The following RBFOX1 variants were observed in gnomAD, a reference collection of about 807,000 sequenced individuals.
RBFOX1 encodes the protein RNA binding fox-1 homolog 1.
RBFOX1 carries 8 observed loss-of-function variants against 57.7 expected under a neutral mutation model. The observed-to-expected ratio is 0.14, with a 90% CI of 0.08 to 0.25. The LOEUF is 0.25. Ranked by LOEUF, RBFOX1 falls within the 10% of genes least tolerant of loss-of-function variation. RBFOX1 has a pLI of 1.00. For synonymous variants in RBFOX1, 326 were observed against 222.4 expected, an observed-to-expected ratio of 1.47 and a Z score of -4.15; for missense variants, 611 against 548.5, an observed-to-expected ratio of 1.11 and a Z score of -1.14.
intron 4 of RBFOX1, among the ~76,000 whole-genome samples, chr16:7,205,021 A>T (rs1424198662): frequency 6.6e-6 from 1 of 152,174 alleles, no homozygotes; most frequent in Non-Finnish European, 1.5e-5. Flanking sequence ...CATGTGTAAC[A>T]AGGGGAGGTG....
chr16:7,303,800 CTCTT>C (rs2096093979), intron 4 of RBFOX1, among the ~76,000 whole-genome samples: 1 of 151,180 alleles, frequency 6.6e-6, no homozygotes. Flanking sequence ...CCCTCCCTCT[CTCTT>C]CCTCTCTCCC....
intron 3 of RBFOX1, among the ~76,000 whole-genome samples, chr16:6,741,538 G>A (rs115845565): frequency 0.02 from 3,043 of 151,846 alleles, 116 homozygotes; most frequent in African/African-American, 0.07. Flanking sequence ...CTTTGGTGGT[G>A]CGCACCTGTA....
intron 3 of RBFOX1, among the ~76,000 whole-genome samples, chr16:6,981,525 C>G (rs1201556455): frequency 6.6e-6 from 1 of 152,096 alleles, no homozygotes; most frequent in Non-Finnish European, 1.5e-5. Flanking sequence ...TAAAGACGTA[C>G]CTGAGACTGG....
chr16:5,866,356 A>G (rs1003021611), intron 3 of RBFOX1, among the ~76,000 whole-genome samples: 1 of 152,218 alleles, frequency 6.6e-6, no homozygotes, highest in African/African-American at 2.4e-5. Context: ...CCAAAGGTCC[A>G]GTCTCCAAAT....
chr16:6,634,425 C>T (rs1191393169), intron 2 of RBFOX1, among the ~76,000 whole-genome samples: 1 of 151,736 alleles, frequency 6.6e-6, no homozygotes, highest in Non-Finnish European at 1.5e-5. Flanking sequence ...GGGATAATCA[C>T]TGTGGCTGCC....
At chr16:6,904,819 T>C (rs181066115) in intron 3 of RBFOX1, among the ~76,000 whole-genome samples, 18 of 152,122 alleles carry the variant, frequency 1.2e-4, no homozygotes, top group Non-Finnish European at 2.2e-4. Context: ...GAAGTCAAAG[T>C]GGCTGATTTT....
intron 1 of RBFOX1, among the ~76,000 whole-genome samples, chr16:6,151,092 C>A (rs2096794286): frequency 6.6e-6 from 1 of 152,120 alleles, no homozygotes; most frequent in African/African-American, 2.4e-5. Context: ...AGGACTATGA[C>A]TATGGTTTCC....
intron 4 of RBFOX1, among the ~76,000 whole-genome samples, chr16:5,977,068 C>G (rs2060078499): frequency 6.6e-6 from 1 of 152,090 alleles, no homozygotes; most frequent in African/African-American, 2.4e-5. Flanking sequence ...AATCTCCTGT[C>G]TCAGAGCCCA....
In RBFOX1 at chr16:7,038,896, G is replaced by C. The variant is rs183602496; in HGVS notation, c.-15-13161G>C. ...AACACCTCATTAAAACGTGTAATTT[G>C]AGGTTTGTTCAAATTCTGTGGGCAT... is the stretch of plus-strand genomic sequence containing the variant. On this transcript the variant is annotated intron_variant, in intron 3 of 15. Coordinates refer to ENST00000550418, the MANE Select transcript of RBFOX1 (RefSeq NM_018723.4). 7.1e-4 allele frequency among the ~76,000 whole-genome samples: 108 copies of C among 152,298 alleles called. 1 individual carries two copies. The highest frequency in any genetic ancestry group is 3.5e-3 in the Admixed American group (54 of 15,292).
At position 7,310,708 on chromosome 16, in the gene RBFOX1, C is replaced by G. The variant is rs147675067; in HGVS notation, c.28-207439C>G. On this transcript the variant is annotated intron_variant, in intron 4 of 15. Coordinates refer to ENST00000550418, the MANE Select transcript of RBFOX1 (RefSeq NM_018723.4). ...ATAGACTTGCCCAAACCAAATAAAA[C>G]ACAGTCACTGAATCACACCTGTGAT... Among the ~76,000 whole-genome samples, 405 of 152,296 alleles carry G rather than the reference C, an allele frequency of 2.7e-3. 2 individuals carry two copies. Among genetic ancestry groups the G allele is most frequent in the Non-Finnish European group, 4.2e-3 (289 of 68,016 alleles).
intron 1 of RBFOX1, among the ~76,000 whole-genome samples, chr16:6,239,373 G>T (rs1438277078): frequency 6.6e-6 from 1 of 151,364 alleles, no homozygotes; most frequent in Admixed American, 6.6e-5. Context: ...GTCAGTAAAT[G>T]CTTGTCATAT....
chr16:5,253,868 G>A (rs1293457264), intron 1 of RBFOX1, among the ~76,000 whole-genome samples: 6 of 152,168 alleles, frequency 3.9e-5, no homozygotes, highest in Non-Finnish European at 8.8e-5. Flanking sequence ...CTCTTCACCT[G>A]GTCATGGTCT....
chr16:5,393,782 T>C (rs1326054831), intron 1 of RBFOX1, among the ~76,000 whole-genome samples: 2 of 152,228 alleles, frequency 1.3e-5, no homozygotes, highest in Non-Finnish European at 2.9e-5. Flanking sequence ...AGTCTGTTAT[T>C]CACAGTGCTG....
At chr16:5,714,753 C>T (rs1380727048) in intron 3 of RBFOX1, among the ~76,000 whole-genome samples, 2 of 152,180 alleles carry the variant, frequency 1.3e-5, no homozygotes, top group African/African-American at 4.8e-5. Context: ...GTGCATACCA[C>T]ACTGAGTGAT....
chr16:7,459,393 G>GCCTT (rs1567279614), intron 4 of RBFOX1, among the ~76,000 whole-genome samples: 1 of 152,100 alleles, frequency 6.6e-6, no homozygotes, highest in African/African-American at 2.4e-5. Context: ...TTGGTTCCGT[G>GCCTT]CCTTCCTTCC....
chr16:6,932,057 G>C (rs1200145432), intron 3 of RBFOX1, among the ~76,000 whole-genome samples: 2 of 152,112 alleles, frequency 1.3e-5, no homozygotes, highest in South Asian at 4.2e-4. Flanking sequence ...CTTGAGGGCA[G>C]AGCCTTCATG....
At chr16:6,859,199 A>ATATAGATG (rs2058572091) in intron 3 of RBFOX1, among the ~76,000 whole-genome samples, 1 of 107,768 alleles carries the variant, frequency 9.3e-6, no homozygotes, top group African/African-American at 3.6e-5. Context: ...ATATATATGT[A>ATATAGATG]TATATATATA....
intron 2 of RBFOX1, among the ~76,000 whole-genome samples, chr16:6,635,235 A>G (rs559453732): frequency 1.4e-3 from 210 of 150,888 alleles, no homozygotes; most frequent in African/African-American, 4.6e-3. Flanking sequence ...AATACTTTCA[A>G]TTTATATATT....
chr16:6,637,564 T>TCTATATAGTATATATATAATAG (rs756936561), intron 2 of RBFOX1, among the ~76,000 whole-genome samples: 2,653 of 128,432 alleles, frequency 0.021, 212 homozygotes, highest in East Asian at 0.21. Context: ...ATATATAATA[T>TCTATATAGTATATATATAATAG]TCTATATAGT....
Sources: gnomAD v4.1 joint callset for allele counts (sites outside exome capture counted in the v4.1 genomes callset) on GRCh38, gnomAD v4.1.1 for gene constraint, MANE v1.5 for transcripts, NCBI Gene and HGNC (gene_info 2026-07-23, HGNC 2026-07-21) for gene names.